SORCS2: variants seen among roughly 807,000 people sequenced by gnomAD.
SORCS2 encodes VPS10 domain-containing receptor SorCS2.
In SORCS2, 100 loss-of-function variants were observed where a neutral mutation model predicts 141.6. The ratio of observed to expected loss-of-function variants is 0.71; its 90% CI spans 0.60 to 0.83. The LOEUF is 0.83. Ranked by LOEUF, SORCS2 falls within the 40% of genes least tolerant of loss-of-function variation. The pLI is 0.00. For missense variants in SORCS2, 1,646 were observed against 1,560.2 expected (o/e 1.05, Z -0.93); for synonymous variants, 789 against 676.9 (o/e 1.17, Z -2.57).
At chr4:7,516,770 A>T (rs1171166886) in intron 2 of SORCS2, among the ~76,000 whole-genome samples, 1 of 152,152 alleles carries the variant, frequency 6.6e-6, no homozygotes, top group Non-Finnish European at 1.5e-5. Context: ...CCTTCTCGGC[A>T]TGGTCCTAGC....
intron 9 of SORCS2, 57 bp downstream of exon 9, chr4:7,676,286 C>A: frequency 6.6e-7 from 1 of 1,508,066 alleles, no homozygotes; most frequent in South Asian, 1.2e-5. Flanking sequence ...CCTCTGCCCT[C>A]TCACCCCACC....
intron 1 of SORCS2, among the ~76,000 whole-genome samples, chr4:7,297,811 C>T (rs897892253): frequency 1.3e-5 from 2 of 152,208 alleles, no homozygotes; most frequent in Non-Finnish European, 2.9e-5. Context: ...GGGGTCATGG[C>T]ACTGCCTGGA....
At chr4:7,511,761 A>G (rs1732668971) in intron 2 of SORCS2, among the ~76,000 whole-genome samples, 1 of 152,126 alleles carries the variant, frequency 6.6e-6, no homozygotes, top group African/African-American at 2.4e-5. Context: ...CCCGTCTGGA[A>G]TTCCAGCCCG....
chr4:7,216,836 C>T (rs182590695), intron 1 of SORCS2, among the ~76,000 whole-genome samples: 1 of 152,294 alleles, frequency 6.6e-6, no homozygotes, highest in East Asian at 1.9e-4. Flanking sequence ...GGGCTGAGAT[C>T]AGCCTGCCCT....
At chr4:7,409,355 TG>T (rs1725163154) in intron 2 of SORCS2, among the ~76,000 whole-genome samples, 1 of 152,156 alleles carries the variant, frequency 6.6e-6, no homozygotes, top group African/African-American at 2.4e-5. Flanking sequence ...AGTGTGGGGA[TG>T]GCAGCCATGG....
intron 3 of SORCS2, among the ~76,000 whole-genome samples, chr4:7,578,646 T>C (rs567737767): frequency 1.3e-5 from 2 of 152,352 alleles, no homozygotes; most frequent in African/African-American, 4.8e-5. Context: ...GAGTGTTGAG[T>C]GCCTGCGCAG....
At chr4:7,362,970 A>G (rs374455102) in intron 1 of SORCS2, among the ~76,000 whole-genome samples, 1 of 148,154 alleles carries the variant, frequency 6.7e-6, no homozygotes, top group East Asian at 2.0e-4. Flanking sequence ...CATTACTGCA[A>G]TCATCACCAT....
intron 1 of SORCS2, among the ~76,000 whole-genome samples, chr4:7,305,242 A>G (rs922341032): frequency 6.6e-6 from 1 of 152,044 alleles, no homozygotes; most frequent in Non-Finnish European, 1.5e-5. Flanking sequence ...CGTGTTAGCC[A>G]GGATGGTCTC....
chr4:7,303,921 GGTCACCACGGCTGTGTGCCT>G (rs1168371154), intron 1 of SORCS2, among the ~76,000 whole-genome samples: 3 of 152,254 alleles, frequency 2.0e-5, no homozygotes, highest in Non-Finnish European at 4.4e-5. Flanking sequence ...GGGGCCAAGG[GGTCACCACGGCTGTGTGCCT>G]GTTTACCAGG....
chr4:7,378,239 C>G (rs935149293), intron 1 of SORCS2, among the ~76,000 whole-genome samples: 1 of 152,174 alleles, frequency 6.6e-6, no homozygotes, highest in Non-Finnish European at 1.5e-5. Flanking sequence ...GAAATTGACT[C>G]CATTGCTTCT....
intron 3 of SORCS2, among the ~76,000 whole-genome samples, chr4:7,545,306 G>A (rs367607746): frequency 3.1e-4 from 47 of 152,284 alleles, no homozygotes; most frequent in African/African-American, 1.1e-3. Context: ...AATAGAAAGT[G>A]CAAAGGCCCC....
chr4:7,243,473 G>C (rs1014618725), intron 1 of SORCS2, among the ~76,000 whole-genome samples: 1 of 152,148 alleles, frequency 6.6e-6, no homozygotes, highest in Non-Finnish European at 1.5e-5. Flanking sequence ...CTGAGGGAAA[G>C]GTGCGGGGAG....
intron 9 of SORCS2, among the ~76,000 whole-genome samples, chr4:7,679,459 C>T (rs542568843): frequency 6.6e-6 from 1 of 152,328 alleles, no homozygotes; most frequent in South Asian, 2.1e-4. Flanking sequence ...GTGAAAGACT[C>T]AAGCACTCAA....
chr4:7,196,009 G>A (rs1474608191), intron 1 of SORCS2, among the ~76,000 whole-genome samples: 1 of 152,220 alleles, frequency 6.6e-6, no homozygotes, highest in African/African-American at 2.4e-5. Context: ...TGGCTTTTGA[G>A]AGCATCCCAC....
At chr4:7,366,762 A>AC (rs974859723) in intron 1 of SORCS2, among the ~76,000 whole-genome samples, 58 of 151,354 alleles carry the variant, frequency 3.8e-4, no homozygotes, top group African/African-American at 1.1e-3. Flanking sequence ...TTTCATGTCT[A>AC]CCCCCCCAAC....
At chr4:7,675,970 G>A (rs553228474) in intron 8 of SORCS2, 80 bp from the exon 9 acceptor site, 122 of 1,481,974 alleles carry the variant, frequency 8.2e-5, no homozygotes, top group Admixed American at 3.6e-4. Flanking sequence ...GCACCCTCAC[G>A]GCCTGTGCAG....
chr4:7,659,818 A>T (rs1451152557), intron 5 of SORCS2, among the ~76,000 whole-genome samples: 1 of 152,154 alleles, frequency 6.6e-6, no homozygotes, highest in African/African-American at 2.4e-5. Context: ...GGGCAGCTGT[A>T]CTTCTCCCCC....
intron 3 of SORCS2, among the ~76,000 whole-genome samples, chr4:7,555,259 C>A: frequency 6.6e-6 from 1 of 152,228 alleles, no homozygotes. Context: ...TGGCCACTTT[C>A]CCAAAGAGCA....
chr4:7,583,772 C>T (rs747098983), intron 3 of SORCS2, among the ~76,000 whole-genome samples: 183 of 152,272 alleles, frequency 1.2e-3, no homozygotes, highest in Middle Eastern at 0.01. Flanking sequence ...TATAAATTAC[C>T]CAGTCTCTAG....
Sources: gnomAD v4.1 joint callset for allele counts (sites outside exome capture counted in the v4.1 genomes callset) on GRCh38, gnomAD v4.1.1 for gene constraint, MANE v1.5 for transcripts, NCBI Gene and HGNC (gene_info 2026-07-23, HGNC 2026-07-21) for gene names.